The following DBX2 variants were observed in gnomAD, a reference collection of about 807,000 sequenced individuals.
DBX2 encodes the protein homeobox protein DBX2.
A neutral mutation model predicts 17.7 loss-of-function variants in DBX2; 16 were observed. That is an observed-to-expected ratio of 0.90 (90% confidence interval 0.61 to 1.37). The LOEUF (loss-of-function observed/expected upper bound fraction) is 1.37, where lower values mean the gene tolerates loss of function less well. Ranked by LOEUF, DBX2 falls within the 40% of genes most tolerant of loss-of-function variation. The pLI is 0.00. For synonymous variants in DBX2, 255 were observed against 183.8 expected, an observed-to-expected ratio of 1.39 and a Z score of -3.13; for missense variants, 538 against 433.8, an observed-to-expected ratio of 1.24 and a Z score of -2.13.
At chr12:45,034,284 T>C (rs900851093) in intron 2 of DBX2, among the ~76,000 whole-genome samples, 5 of 152,062 alleles carry the variant, frequency 3.3e-5, no homozygotes, top group Admixed American at 2.0e-4. Context: ...CCTCTTTTGA[T>C]CTCCACTCCC....
At chr12:45,024,256 A>C (rs562251105) in intron 2 of DBX2, among the ~76,000 whole-genome samples, 1 of 152,262 alleles carries the variant, frequency 6.6e-6, no homozygotes, top group East Asian at 1.9e-4. Flanking sequence ...GTGAAGAAGG[A>C]CATGCTTGCT....
At chr12:45,025,119 G>A (rs1388765176) in intron 2 of DBX2, among the ~76,000 whole-genome samples, 5 of 152,188 alleles carry the variant, frequency 3.3e-5, no homozygotes, top group Non-Finnish European at 5.9e-5. Flanking sequence ...GGGAACTAAG[G>A]TTGCAAATAG....
At chr12:45,024,948 G>A (rs552050426) in intron 2 of DBX2, among the ~76,000 whole-genome samples, 2 of 152,154 alleles carry the variant, frequency 1.3e-5, no homozygotes, top group Non-Finnish European at 2.9e-5. Context: ...CTGCCTTTTT[G>A]TGCCTAGCAC....
intron 1 of DBX2, among the ~76,000 whole-genome samples, chr12:45,045,547 T>A (rs1272386449): frequency 6.6e-6 from 1 of 152,172 alleles, no homozygotes; most frequent in East Asian, 1.9e-4. Flanking sequence ...CTGTAAAATA[T>A]CTTCTTACAG....
intron 2 of DBX2, among the ~76,000 whole-genome samples, chr12:45,034,541 CAATT>C (rs1345149878): frequency 5.9e-5 from 9 of 152,138 alleles, no homozygotes; most frequent in Admixed American, 6.5e-5. Flanking sequence ...GTTAAATGGA[CAATT>C]AATAGGTCAC....
chr12:45,036,259 T>C (rs1312147231), intron 1 of DBX2, 145 bp from the exon 2 acceptor site: 4 of 741,812 alleles, frequency 5.4e-6, no homozygotes, highest in Non-Finnish European at 8.0e-6. Context: ...GTAGCCTTTG[T>C]CTGTCAAAGA....
chr12:45,044,230 CT>C (rs35086345), intron 1 of DBX2, among the ~76,000 whole-genome samples: 23,417 of 151,986 alleles, frequency 0.15, 3,917 homozygotes, highest in East Asian at 0.5. Context: ...ATCAGATGGT[CT>C]TTTTTTGTTT....
intron 2 of DBX2, among the ~76,000 whole-genome samples, chr12:45,030,948 C>T (rs1241749549): frequency 6.6e-6 from 1 of 152,158 alleles, no homozygotes; most frequent in Non-Finnish European, 1.5e-5. Context: ...TTAATCCAGG[C>T]CTCTCCAACA....
chr12:45,031,225 T>TGA (rs72031074), intron 2 of DBX2, among the ~76,000 whole-genome samples: 1,086 of 85,596 alleles, frequency 0.013, 10 homozygotes, highest in African/African-American at 0.038. Flanking sequence ...TGTGTGTGTG[T>TGA]GAGAGAGAGA....
intron 2 of DBX2, among the ~76,000 whole-genome samples, chr12:45,034,268 G>A (rs1305446880): frequency 1.3e-5 from 2 of 152,094 alleles, no homozygotes; most frequent in East Asian, 1.9e-4. Flanking sequence ...GAAGCTAAGT[G>A]TGGGACCTCT....
At chr12:45,031,826 A>G (rs754386667) in intron 2 of DBX2, among the ~76,000 whole-genome samples, 1 of 152,168 alleles carries the variant, frequency 6.6e-6, no homozygotes, top group Non-Finnish European at 1.5e-5. Flanking sequence ...CTGAGCTGAC[A>G]GTACGCTTTC....
chr12:45,041,796 G>C (rs1316258172), intron 1 of DBX2, among the ~76,000 whole-genome samples: 1 of 152,038 alleles, frequency 6.6e-6, no homozygotes, highest in Admixed American at 6.5e-5. Context: ...TACAAAGATT[G>C]AAAAAGGAGT....
intron 2 of DBX2, among the ~76,000 whole-genome samples, chr12:45,034,634 C>T (rs192752074): frequency 1.3e-5 from 2 of 152,152 alleles, no homozygotes; most frequent in African/African-American, 4.8e-5. Flanking sequence ...TTCAGCAAGT[C>T]CCTGTATACA....
At chr12:45,030,920 G>C (rs1946405883) in intron 2 of DBX2, among the ~76,000 whole-genome samples, 1 of 152,156 alleles carries the variant, frequency 6.6e-6, no homozygotes, top group South Asian at 2.1e-4. Context: ...GAACTGAAAG[G>C]GATAAGAGGT....
chr12:45,015,637 A>T lies in DBX2; in HGVS notation c.*649T>A, dbSNP rs1946319117. On this transcript the variant is annotated 3_prime_UTR_variant, in exon 4 of 4. Transcript: ENST00000332700. ...AGAGACTTGGAGATTAAGGATACTA[A>T]TAGTTATATACAGAAATTCTTCTAA... 6.6e-6 allele frequency: 1 copy of T among 152,190 alleles called. No individual in the cohort carries two copies. The highest frequency in any genetic ancestry group is 2.4e-5 in the African/African-American group (1 of 41,450). The allele number at this position is 152,190 out of a possible 1,614,324, so 9.4% of individuals were successfully genotyped here. A position where few individuals can be genotyped will look rare whatever the true frequency, so the allele number is the denominator to read the frequency against.
intron 3 of DBX2, among the ~76,000 whole-genome samples, chr12:45,022,188 A>G (rs539723350): frequency 2.0e-5 from 3 of 152,086 alleles, no homozygotes; most frequent in African/African-American, 2.4e-5. Flanking sequence ...ATGTAGGCCA[A>G]TTACCCTCTA....
intron 1 of DBX2, among the ~76,000 whole-genome samples, chr12:45,050,299 GTGGAA>G (rs1946522708): frequency 6.6e-6 from 1 of 152,220 alleles, no homozygotes; most frequent in Non-Finnish European, 1.5e-5. Flanking sequence ...AAAGAAGCTG[GTGGAA>G]TGGGATGGGA....
At chr12:45,039,853 C>T (rs1275737609) in intron 1 of DBX2, among the ~76,000 whole-genome samples, 4 of 151,770 alleles carry the variant, frequency 2.6e-5, no homozygotes, top group East Asian at 3.9e-4. Context: ...GGACAACTGA[C>T]ACATCTCCCA....
chr12:45,050,792 C>A lies in DBX2; in HGVS notation c.136G>T (p.Val46Phe). 6.5e-7 allele frequency: 1 copy of A among 1,529,010 alleles called. No homozygotes were observed. The highest frequency in any genetic ancestry group is 2.1e-5 in the Admixed American group (1 of 47,852). The allele number at this position is 1,529,010 out of a possible 1,614,324, so 94.7% of individuals were successfully genotyped here. ...KSFLIENLLR[V>F]GGAPTPRLQP... ...AGCCTGGGCGTTGGGGCGCCCCCGA[C>A]CCGCAGCAAATTCTCGATCAGGAAA... is the stretch of plus-strand genomic sequence containing the variant. The change falls in exon 1 of 4, where the codon GTC (valine) becomes TTC (phenylalanine). Residue 46 changes from valine (V) to phenylalanine (F), a missense_variant. Physicochemically the swap from Val to Phe is conservative, Grantham distance 50. Coordinates refer to ENST00000332700, the MANE Select transcript of DBX2 (RefSeq NM_001004329.3).
Sources: gnomAD v4.1 joint callset for allele counts (sites outside exome capture counted in the v4.1 genomes callset) on GRCh38, gnomAD v4.1.1 for gene constraint, MANE v1.5 for transcripts, NCBI Gene and HGNC (gene_info 2026-07-23, HGNC 2026-07-21) for gene names.